The following RBFOX1 variants were observed in gnomAD, a reference collection of about 807,000 sequenced individuals.
RBFOX1 encodes RNA binding protein fox-1 homolog 1.
Under a neutral mutation model 57.7 loss-of-function variants are expected in RBFOX1, and 8 were observed. The ratio of observed to expected loss-of-function variants is 0.14; its 90% CI spans 0.08 to 0.25. The LOEUF is 0.25. Ranked by LOEUF, RBFOX1 falls within the 10% of genes least tolerant of loss-of-function variation. The pLI, the probability that RBFOX1 is intolerant of heterozygous loss-of-function variation, is 1.00. For synonymous variants in RBFOX1, 326 were observed against 222.4 expected (o/e 1.47, Z -4.15); for missense variants, 611 against 548.5 (o/e 1.11, Z -1.14).
At chr16:7,201,499 T>A (rs1464125102) in intron 4 of RBFOX1, among the ~76,000 whole-genome samples, 1 of 151,716 alleles carries the variant, frequency 6.6e-6, no homozygotes, top group Non-Finnish European at 1.5e-5. Flanking sequence ...TTTGCTCTTG[T>A]CGCCCAGGCT....
At chr16:5,484,979 A>G (rs1418871145) in intron 2 of RBFOX1, among the ~76,000 whole-genome samples, 2 of 151,892 alleles carry the variant, frequency 1.3e-5, no homozygotes, top group African/African-American at 4.8e-5. Context: ...GGATTGCTTG[A>G]GTCTAGGAGT....
chr16:7,195,094 TCTTCAGTCTATCAACACC>T (rs2086367862), intron 4 of RBFOX1, among the ~76,000 whole-genome samples: 1 of 152,178 alleles, frequency 6.6e-6, no homozygotes, highest in Non-Finnish European at 1.5e-5. Context: ...AATAAAGAGC[TCTTCAGTCTATCAACACC>T]CTTAAGTCTG....
chr16:6,500,886 T>TGTTTTTTTG (rs796977292), intron 2 of RBFOX1, among the ~76,000 whole-genome samples: 1 of 145,546 alleles, frequency 6.9e-6, no homozygotes, highest in Non-Finnish European at 1.5e-5. Flanking sequence ...GTTTTTTTTT[T>TGTTTTTTTG]TTTTTTTTTT....
chr16:7,326,416 A>G (rs962454856), intron 4 of RBFOX1, among the ~76,000 whole-genome samples: 13 of 152,130 alleles, frequency 8.5e-5, no homozygotes, highest in African/African-American at 3.1e-4. Context: ...CTGGGGGGAT[A>G]ATAGAATGGA....
chr16:6,492,882 A>G (rs940671858), intron 2 of RBFOX1, among the ~76,000 whole-genome samples: 11 of 152,332 alleles, frequency 7.2e-5, no homozygotes, highest in South Asian at 4.1e-4. Flanking sequence ...TACACATGCA[A>G]TTGTTTTACA....
intron 2 of RBFOX1, among the ~76,000 whole-genome samples, chr16:6,355,473 T>A (rs1300604540): frequency 6.6e-6 from 1 of 152,202 alleles, no homozygotes; most frequent in African/African-American, 2.4e-5. Flanking sequence ...CTCATCCTTT[T>A]TTATGGCTGC....
chr16:5,793,689 C>T (rs2054780730), intron 3 of RBFOX1, among the ~76,000 whole-genome samples: 1 of 152,230 alleles, frequency 6.6e-6, no homozygotes, highest in African/African-American at 2.4e-5. Context: ...ACTGGTCACC[C>T]CATTGGGAGA....
At chr16:5,769,311 G>A (rs982990687) in intron 3 of RBFOX1, among the ~76,000 whole-genome samples, 1 of 151,932 alleles carries the variant, frequency 6.6e-6, no homozygotes, top group African/African-American at 2.4e-5. Context: ...TCATTAGGGT[G>A]GGCCCTAATC....
chr16:5,961,197 CT>C (rs2059741317), intron 4 of RBFOX1, among the ~76,000 whole-genome samples: 1 of 152,092 alleles, frequency 6.6e-6, no homozygotes, highest in Non-Finnish European at 1.5e-5. Context: ...ATATTCTATT[CT>C]ATTTTATTCA....
intron 3 of RBFOX1, among the ~76,000 whole-genome samples, chr16:5,658,109 A>G (rs2049513893): frequency 6.6e-6 from 1 of 152,178 alleles, no homozygotes; most frequent in African/African-American, 2.4e-5. Flanking sequence ...CTCTGTGGCT[A>G]CAAGTCAGTT....
At chr16:5,616,374 G>T (rs1054017848) in intron 3 of RBFOX1, among the ~76,000 whole-genome samples, 1 of 152,170 alleles carries the variant, frequency 6.6e-6, no homozygotes, top group Admixed American at 6.5e-5. Context: ...GCTTGTCTGC[G>T]GTGCTGGCCA....
At chr16:6,140,903 T>C (rs961260103) in intron 1 of RBFOX1, among the ~76,000 whole-genome samples, 1 of 152,186 alleles carries the variant, frequency 6.6e-6, no homozygotes, top group East Asian at 1.9e-4. Flanking sequence ...CAAATAACCA[T>C]CTCACAGGTG....
rs570900547 is a variant in RBFOX1, at chr16:6,501,058, C to T, written c.-63-153545C>T. 3.7e-4 allele frequency among the ~76,000 whole-genome samples: 56 copies of T among 151,510 alleles called. No homozygotes were observed. The South Asian group carries it at 0.011, about 30-fold the overall frequency. The stretch of plus-strand genomic sequence containing the variant: ...GGTCTCACTGCCCATGGGAGTCTGC[C>T]CCTGGACCCTATCCTGCTTGATGAG... On this transcript the variant is annotated intron_variant, in intron 2 of 15. Coordinates refer to ENST00000550418, the MANE Select transcript of RBFOX1 (RefSeq NM_018723.4).
At chr16:6,443,735 C>G (rs2534770) in intron 2 of RBFOX1, among the ~76,000 whole-genome samples, 1 of 151,996 alleles carries the variant, frequency 6.6e-6, no homozygotes, top group African/African-American at 2.4e-5. Flanking sequence ...GTTCATCCAG[C>G]CATCTTTCCA....
At chr16:5,463,076 T>C (rs542731169) in intron 1 of RBFOX1, among the ~76,000 whole-genome samples, 2 of 152,262 alleles carry the variant, frequency 1.3e-5, no homozygotes, top group African/African-American at 4.8e-5. Context: ...ACATAGATGA[T>C]AGATAGATAT....
chr16:5,736,236 C>T (rs2052566419), intron 3 of RBFOX1, among the ~76,000 whole-genome samples: 1 of 152,210 alleles, frequency 6.6e-6, no homozygotes, highest in African/African-American at 2.4e-5. Flanking sequence ...ACCTGGCGTC[C>T]TGGAGACATA....
intron 4 of RBFOX1, among the ~76,000 whole-genome samples, chr16:7,426,604 A>G (rs11859136): frequency 0.086 from 13,117 of 152,156 alleles, 1,859 homozygotes; most frequent in African/African-American, 0.3. Context: ...ATCTCCCCCA[A>G]TAAAATTAGG....
chr16:6,166,878 A>G (rs1047143526), intron 1 of RBFOX1, among the ~76,000 whole-genome samples: 2 of 152,048 alleles, frequency 1.3e-5, no homozygotes, highest in Non-Finnish European at 2.9e-5. Context: ...GGTTCAAGCA[A>G]TTCTTCCGCC....
In RBFOX1 at chr16:5,276,603, T is replaced by G. The variant is rs527612520; in HGVS notation, c.219+36498T>G. Among the ~76,000 whole-genome samples the G allele has an allele frequency of 1.1e-4, 17 of 152,098 alleles. No homozygotes were observed. The East Asian group carries it at 2.7e-3, about 24-fold the overall frequency. On this transcript the variant is annotated intron_variant, in intron 1 of 2. Transcript: ENST00000585867. ...TTTGAGACCAGCCTGACTAACATGGTGAAACCCCGTCTCTACTGAAAATAC... is the reference window on the plus strand; with the variant it reads ...TTTGAGACCAGCCTGACTAACATGGGGAAACCCCGTCTCTACTGAAAATAC...
Sources: gnomAD v4.1 joint callset for allele counts (sites outside exome capture counted in the v4.1 genomes callset) on GRCh38, gnomAD v4.1.1 for gene constraint, MANE v1.5 for transcripts, NCBI Gene and HGNC (gene_info 2026-07-23, HGNC 2026-07-21) for gene names.